PCED1B: variants seen among roughly 807,000 people sequenced by gnomAD.
PCED1B encodes the protein PC-esterase domain containing 1B.
For missense variants in PCED1B, 573 were observed against 573.9 expected (o/e 1.00, Z 0.02); for synonymous variants, 251 against 246.1 (o/e 1.02, Z -0.19).
At chr12:47,094,900 CTT>C (rs59157160) in intron 1 of PCED1B, among the ~76,000 whole-genome samples, 4 of 140,120 alleles carry the variant, frequency 2.9e-5, no homozygotes, top group East Asian at 2.0e-4. Context: ...CTCTCTCTTT[CTT>C]TTTTTTTTTT....
intron 3 of PCED1B, 46 bp from the exon 4 acceptor site, chr12:47,234,961 C>CGCCCAG: frequency 8.9e-7 from 1 of 1,119,872 alleles, no homozygotes; most frequent in Non-Finnish European, 1.2e-6. Context: ...CTGGGCGCTC[C>CGCCCAG]GCCCAGAGGT....
chr12:47,212,524 A>C (rs1318708409), intron 2 of PCED1B, among the ~76,000 whole-genome samples: 7 of 152,142 alleles, frequency 4.6e-5, no homozygotes, highest in Admixed American at 4.6e-4. Context: ...TGTGATTCAG[A>C]CAGTTGCTCA....
Position 47,235,410 on chromosome 12 carries a change from C to T in PCED1B, c.347C>T (p.Pro116Leu). ...LKELQSGEHAPDLVIMNSCLW... is the reference protein window; with the variant it reads ...LKELQSGEHALDLVIMNSCLW... ...GAGCTGCAGTCGGGCGAGCACGCCC[C>T]CGACCTGGTCATCATGAATTCCTGC... Residue 116 changes from proline (P) to leucine (L), a missense_variant, in exon 4 of 4, where the codon CCC (proline) becomes CTC (leucine). By Grantham distance (98) the Pro-to-Leu change is moderately conservative. Transcript: ENST00000546455. The T allele has an allele frequency of 6.2e-7, 1 of 1,614,212 alleles. No homozygotes were observed. Among genetic ancestry groups the T allele is most frequent in the Non-Finnish European group, 8.5e-7 (1 of 1,180,038 alleles).
intron 2 of PCED1B, among the ~76,000 whole-genome samples, chr12:47,146,915 C>T (rs1261667258): frequency 6.6e-6 from 1 of 151,118 alleles, no homozygotes; most frequent in Non-Finnish European, 1.5e-5. Flanking sequence ...CCTCTTGCAT[C>T]TTACTGTATG....
At chr12:47,173,456 G>A (rs1941817152) in intron 2 of PCED1B, among the ~76,000 whole-genome samples, 1 of 152,136 alleles carries the variant, frequency 6.6e-6, no homozygotes, top group African/African-American at 2.4e-5. Context: ...GTTTCTCCGT[G>A]TTAGTCAGGA....
chr12:47,189,271 C>A (rs1942371314), intron 2 of PCED1B, among the ~76,000 whole-genome samples: 1 of 152,118 alleles, frequency 6.6e-6, no homozygotes, highest in Non-Finnish European at 1.5e-5. Flanking sequence ...TGCCTTTGTG[C>A]AAAGTGGAAA....
chr12:47,157,852 T>C (rs1941245192), intron 2 of PCED1B, among the ~76,000 whole-genome samples: 1 of 152,196 alleles, frequency 6.6e-6, no homozygotes, highest in African/African-American at 2.4e-5. Context: ...TTTCTGTCTC[T>C]ATGATTTTGA....
chr12:47,217,973 T>C (rs904533298), intron 3 of PCED1B, among the ~76,000 whole-genome samples: 2 of 152,234 alleles, frequency 1.3e-5, no homozygotes, highest in Non-Finnish European at 2.9e-5. Flanking sequence ...TTAATGTTGC[T>C]AAATAATAAG....
At chr12:47,111,938 G>T (rs540505986) in intron 2 of PCED1B, among the ~76,000 whole-genome samples, 1 of 152,090 alleles carries the variant, frequency 6.6e-6, no homozygotes, top group Non-Finnish European at 1.5e-5. Flanking sequence ...TTCTCTGATC[G>T]CTCAAAGGCA....
At chr12:47,112,101 T>C (rs1283252613) in intron 2 of PCED1B, among the ~76,000 whole-genome samples, 1 of 152,198 alleles carries the variant, frequency 6.6e-6, no homozygotes, top group Non-Finnish European at 1.5e-5. Context: ...ATCTGGTATG[T>C]GGGTTTAGCA....
chr12:47,169,895 A>G (rs1209239100), intron 2 of PCED1B, among the ~76,000 whole-genome samples: 1 of 96,850 alleles, frequency 1.0e-5, no homozygotes, highest in African/African-American at 3.7e-5. Context: ...TATATTACTC[A>G]TCTTTTTTTT....
chr12:47,151,412 A>G (rs1370186040), intron 2 of PCED1B, among the ~76,000 whole-genome samples: 2 of 152,200 alleles, frequency 1.3e-5, no homozygotes, highest in Non-Finnish European at 2.9e-5. Flanking sequence ...GGTAGGCTAT[A>G]ACGTCTAGAT....
rs571666779 is a variant in PCED1B, at chr12:47,121,150, G to A, written c.-526+16955G>A. 3.9e-5 allele frequency among the ~76,000 whole-genome samples: 6 copies of A among 152,234 alleles called. No homozygotes were observed. The South Asian group carries it at 1.2e-3, about 32-fold the overall frequency. ...TAAATGGATAAAGTGTATGTTATGT[G>A]AATTATTTCTCCATAAAGCATTAAA... On this transcript the variant is annotated intron_variant, in intron 2 of 3. Coordinates refer to ENST00000546455, the MANE Select transcript of PCED1B (RefSeq NM_138371.3).
intron 1 of PCED1B, among the ~76,000 whole-genome samples, chr12:47,089,325 T>C (rs1304324936): frequency 6.6e-6 from 1 of 150,756 alleles, no homozygotes; most frequent in Non-Finnish European, 1.5e-5. Context: ...CGGGCACCTG[T>C]AGTCCCAGCT....
At chr12:47,089,823 G>A (rs1036288462) in intron 1 of PCED1B, among the ~76,000 whole-genome samples, 2 of 151,970 alleles carry the variant, frequency 1.3e-5, no homozygotes, top group African/African-American at 4.8e-5. Context: ...ACCCAGGCTG[G>A]AGTGCAGTGG....
At chr12:47,102,237 T>A (rs1045086980) in intron 1 of PCED1B, among the ~76,000 whole-genome samples, 2 of 152,244 alleles carry the variant, frequency 1.3e-5, no homozygotes, top group African/African-American at 4.8e-5. Context: ...CATGATTACA[T>A]GTGGAAACTT....
chr12:47,146,124 A>G (rs80235016), intron 2 of PCED1B, among the ~76,000 whole-genome samples: 3,697 of 152,302 alleles, frequency 0.024, 145 homozygotes, highest in African/African-American at 0.082. Flanking sequence ...TTAAGGATTC[A>G]GGACTTCAGT....
intron 2 of PCED1B, among the ~76,000 whole-genome samples, chr12:47,161,826 C>T (rs930316437): frequency 3.9e-5 from 6 of 152,094 alleles, no homozygotes; most frequent in South Asian, 2.1e-4. Context: ...ATGTTTATTG[C>T]GGCACTATTC....
intron 2 of PCED1B, among the ~76,000 whole-genome samples, chr12:47,134,208 G>A (rs1940250751): frequency 6.6e-6 from 1 of 152,200 alleles, no homozygotes. Flanking sequence ...CACACTCAGA[G>A]AATGAAAAGG....
Sources: gnomAD v4.1 joint callset for allele counts (sites outside exome capture counted in the v4.1 genomes callset) on GRCh38, gnomAD v4.1.1 for gene constraint, MANE v1.5 for transcripts, NCBI Gene and HGNC (gene_info 2026-07-23, HGNC 2026-07-21) for gene names.